Variants in PROM1 observed in about 807,000 individuals in gnomAD.
PROM1 encodes the protein prominin-1.
In PROM1, 105 loss-of-function variants were observed where a neutral mutation model predicts 116.9. That is an observed-to-expected ratio of 0.90 (90% CI 0.77 to 1.06). The LOEUF is 1.06. Ranked by LOEUF, PROM1 falls within the 50% of genes least tolerant of loss-of-function variation. The pLI, the probability that PROM1 is intolerant of heterozygous loss-of-function variation, is 0.00. For synonymous variants in PROM1, 393 were observed against 387.0 expected (o/e 1.02, Z -0.18); for missense variants, 1,122 against 1,045.2 (o/e 1.07, Z -1.01).
At chr4:16,001,101 A>G (rs1577948469) in intron 13 of PROM1, among the ~76,000 whole-genome samples, 1 of 152,216 alleles carries the variant, frequency 6.6e-6, no homozygotes. Flanking sequence ...ATCATGGCCC[A>G]TGAGGGTGGC....
At chr4:16,013,363 G>C in intron 10 of PROM1, 25 bp from the exon 11 acceptor site, 1 of 1,535,066 alleles carries the variant, frequency 6.5e-7, no homozygotes, top group Non-Finnish European at 9.0e-7. Flanking sequence ...AAAATAAAAG[G>C]ATGTACACAG....
chr4:16,033,964 G>A (rs1186805154), intron 4 of PROM1, among the ~76,000 whole-genome samples: 1 of 151,744 alleles, frequency 6.6e-6, no homozygotes, highest in Non-Finnish European at 1.5e-5. Context: ...TGAAACAGAG[G>A]AAGCAGAGAA....
intron 13 of PROM1, among the ~76,000 whole-genome samples, chr4:16,004,827 C>CTTTCTTTCTTTCT (rs369019851): frequency 2.7e-4 from 34 of 123,796 alleles, no homozygotes; most frequent in Admixed American, 4.7e-4. Flanking sequence ...TTCTTTCTTT[C>CTTTCTTTCTTTCT]TTTTTCTTCC....
chr4:16,018,688 T>G (rs1297204347), intron 8 of PROM1, 148 bp from the exon 9 acceptor site: 2 of 677,766 alleles, frequency 3.0e-6, no homozygotes, highest in Non-Finnish European at 2.6e-6. Context: ...GAGAGGGGAA[T>G]ACAGGAGCAT....
At chr4:16,018,813 T>C (rs17387362) in intron 8 of PROM1, among the ~76,000 whole-genome samples, 16,137 of 152,148 alleles carry the variant, frequency 0.11, 951 homozygotes, top group Middle Eastern at 0.14. Context: ...GACACCTCAA[T>C]GCAGCATTAA....
intron 23 of PROM1, 24 bp downstream of exon 23, chr4:15,984,236 GTCT>G (rs1718713729): frequency 1.3e-6 from 2 of 1,496,616 alleles, no homozygotes; most frequent in African/African-American, 1.4e-5. Flanking sequence ...GATTCATTGT[GTCT>G]TCTTTTGAAA....
intron 26 of PROM1, among the ~76,000 whole-genome samples, chr4:15,974,733 G>T (rs747234033): frequency 2.6e-5 from 4 of 152,112 alleles, no homozygotes; most frequent in Non-Finnish European, 5.9e-5. Context: ...AGCCTCCCAA[G>T]GTGCTGGGAT....
chr4:15,982,934 A>G (rs1476391640), intron 23 of PROM1, among the ~76,000 whole-genome samples: 4 of 152,154 alleles, frequency 2.6e-5, no homozygotes, highest in Admixed American at 6.5e-5. Flanking sequence ...AGGGAGGTGG[A>G]CAGACAGGGC....
intron 25 of PROM1, 118 bp from the exon 26 acceptor site, chr4:15,979,581 T>TA: frequency 2.2e-5 from 30 of 1,390,326 alleles, no homozygotes; most frequent in Middle Eastern, 2.6e-4. Context: ...TTGTTAAATC[T>TA]AAAAAAAAGA....
chr4:16,044,790 A>G (rs1030882704), intron 2 of PROM1, among the ~76,000 whole-genome samples: 2 of 152,216 alleles, frequency 1.3e-5, no homozygotes, highest in African/African-American at 4.8e-5. Context: ...GCACTTCCAA[A>G]TAAATTTCAC....
chr4:16,075,570 T>G, intron 2 of PROM1, 117 bp downstream of exon 2: 1 of 1,032,786 alleles, frequency 9.7e-7, no homozygotes, highest in Admixed American at 2.6e-5. Flanking sequence ...TCTGCTTCTG[T>G]GCAAAGCAAT....
chr4:15,990,546 G>A lies in PROM1; in HGVS notation c.1983+676C>T, dbSNP rs143485701. On this transcript the variant is annotated intron_variant, in intron 18 of 27. Transcript: ENST00000447510. The stretch of plus-strand genomic sequence containing the variant: ...AGGAAAACAACCTGTGTGCATGGGC[G>A]GGTGTGTTTAGAAGTGGAGGGGTTG... 1.1e-4 allele frequency among the ~76,000 whole-genome samples: 16 copies of A among 152,312 alleles called. 1 individual carries two copies. The highest frequency in any genetic ancestry group is 3.1e-4 in the African/African-American group (13 of 41,568).
intron 1 of PROM1, chr4:16,082,627 G>C (rs939517169): frequency 6.6e-6 from 1 of 152,296 alleles, no homozygotes; most frequent in Non-Finnish European, 1.5e-5. Flanking sequence ...GGGCGGGCGC[G>C]GGAAGCCAAG....
At chr4:15,986,172 G>T in intron 20 of PROM1, 135 bp from the exon 21 acceptor site, 1 of 624,742 alleles carries the variant, frequency 1.6e-6, no homozygotes, top group Non-Finnish European at 2.7e-6. Flanking sequence ...GAGGAAGACA[G>T]AACCCACCCA....
At chr4:15,982,268 T>C (rs1718163378) in intron 23 of PROM1, among the ~76,000 whole-genome samples, 2 of 152,296 alleles carry the variant, frequency 1.3e-5, no homozygotes, top group African/African-American at 4.8e-5. Context: ...CCCTCACAGC[T>C]TGACCCTGCA....
At chr4:16,024,439 A>G in intron 6 of PROM1, 81 bp from the exon 7 acceptor site, 1 of 1,187,964 alleles carries the variant, frequency 8.4e-7, no homozygotes, top group Non-Finnish European at 1.2e-6. Flanking sequence ...TAATATACAA[A>G]AGTTTTCCTG....
chr4:15,969,134 A>G lies in PROM1; in HGVS notation c.*259T>C, dbSNP rs1275106740. On this transcript the variant is annotated 3_prime_UTR_variant, in exon 28 of 28. Transcript: ENST00000447510. ...AAATAGAAACTCAGTGTAAAAAAGT[A>G]AAAAACAAAAATAGACAGGAAGGGA... The G allele has an allele frequency of 6.6e-6, 1 of 152,236 alleles. No homozygotes were observed. The highest frequency in any genetic ancestry group is 2.1e-4 in the South Asian group (1 of 4,830). 9.4% of individuals were successfully genotyped at this position (152,236 alleles called of 1,614,324 possible).
chr4:16,065,099 G>A (rs761052668), intron 2 of PROM1, among the ~76,000 whole-genome samples: 1 of 152,088 alleles, frequency 6.6e-6, no homozygotes, highest in African/African-American at 2.4e-5. Context: ...TGCTCCCCAT[G>A]GCCTCCTTCA....
intron 1 of PROM1, chr4:16,082,196 C>T (rs1745170000): frequency 6.6e-6 from 1 of 152,242 alleles, no homozygotes; most frequent in Middle Eastern, 3.4e-3. Context: ...CTAGGATAAC[C>T]GGGACAGAAA....
Sources: gnomAD v4.1 joint callset for allele counts (sites outside exome capture counted in the v4.1 genomes callset) on GRCh38, gnomAD v4.1.1 for gene constraint, MANE v1.5 for transcripts, NCBI Gene and HGNC (gene_info 2026-07-23, HGNC 2026-07-21) for gene names.